The following RALYL variants were observed in gnomAD, a reference collection of about 807,000 sequenced individuals.
RALYL encodes RALY RNA binding protein like.
RALYL carries 29 observed loss-of-function variants against 35.1 expected under a neutral mutation model. That is an observed-to-expected ratio of 0.83 (90% CI 0.61 to 1.13). The LOEUF (loss-of-function observed/expected upper bound fraction) is 1.13. RALYL is among the 50% of genes most tolerant of loss of function. RALYL has a pLI of 0.00. For missense variants in RALYL, 359 were observed against 360.4 expected, an observed-to-expected ratio of 1.00 and a Z score of 0.03; for synonymous variants, 120 against 127.6, an observed-to-expected ratio of 0.94 and a Z score of 0.40.
At chr8:84,516,470 G>A (rs887506937) in intron 1 of RALYL, among the ~76,000 whole-genome samples, 2 of 151,808 alleles carry the variant, frequency 1.3e-5, no homozygotes, top group African/African-American at 4.8e-5. Flanking sequence ...ATATATTTAA[G>A]CACTACAGTT....
At chr8:84,647,022 C>T (rs1827643385) in intron 2 of RALYL, among the ~76,000 whole-genome samples, 1 of 152,000 alleles carries the variant, frequency 6.6e-6, no homozygotes, top group African/African-American at 2.4e-5. Context: ...TCCTAGTGCT[C>T]CTGGATGTGT....
At chr8:84,543,848 G>C (rs977761518) in intron 2 of RALYL, among the ~76,000 whole-genome samples, 4 of 152,000 alleles carry the variant, frequency 2.6e-5, no homozygotes, top group African/African-American at 9.7e-5. Context: ...ATACTATTTA[G>C]ATCCAATATT....
intron 2 of RALYL, among the ~76,000 whole-genome samples, chr8:84,609,013 A>C (rs2130852424): frequency 6.6e-6 from 1 of 151,848 alleles, no homozygotes; most frequent in East Asian, 1.9e-4. Flanking sequence ...AGCTAGTGCA[A>C]AGAAGAAGTT....
At chr8:84,388,939 T>A (rs1186112007) in intron 1 of RALYL, among the ~76,000 whole-genome samples, 5 of 152,168 alleles carry the variant, frequency 3.3e-5, no homozygotes, top group Admixed American at 6.6e-5. Flanking sequence ...CTGAATGGTG[T>A]TGCCTAGGTT....
intron 1 of RALYL, among the ~76,000 whole-genome samples, chr8:84,425,556 G>A (rs1476047123): frequency 6.6e-6 from 1 of 152,120 alleles, no homozygotes; most frequent in African/African-American, 2.4e-5. Context: ...GTTCCTATTC[G>A]GCCATCTTGG....
At chr8:84,613,096 C>T (rs906026420) in intron 2 of RALYL, among the ~76,000 whole-genome samples, 2 of 151,324 alleles carry the variant, frequency 1.3e-5, no homozygotes, top group Admixed American at 6.6e-5. Flanking sequence ...TAATCAAATA[C>T]TAGAAAAAAT....
chr8:84,430,307 A>C (rs1163571368), intron 1 of RALYL, among the ~76,000 whole-genome samples: 2 of 152,170 alleles, frequency 1.3e-5, no homozygotes, highest in Non-Finnish European at 2.9e-5. Flanking sequence ...ACCGTGCAGT[A>C]ATTTATTTTA....
intron 1 of RALYL, among the ~76,000 whole-genome samples, chr8:84,223,315 A>T (rs1822982410): frequency 6.7e-6 from 1 of 148,754 alleles, no homozygotes; most frequent in Non-Finnish European, 1.5e-5. Flanking sequence ...TGAATGGGTT[A>T]TATTGGGAGG....
intron 1 of RALYL, among the ~76,000 whole-genome samples, chr8:84,236,030 G>T (rs1422843518): frequency 1.3e-5 from 2 of 152,032 alleles, no homozygotes; most frequent in Non-Finnish European, 2.9e-5. Context: ...CTCCCAAAGT[G>T]CTGGGATTAC....
chr8:84,690,747 T>C (rs1248377253), intron 2 of RALYL, among the ~76,000 whole-genome samples: 2 of 152,064 alleles, frequency 1.3e-5, no homozygotes, highest in East Asian at 3.8e-4. Context: ...GCATATAACA[T>C]AGAAATCCAT....
intron 1 of RALYL, among the ~76,000 whole-genome samples, chr8:84,388,978 C>A (rs1399426430): frequency 6.6e-6 from 1 of 152,098 alleles, no homozygotes; most frequent in African/African-American, 2.4e-5. Flanking sequence ...GGTTTTAGGT[C>A]TAACATGTAA....
At chr8:84,369,662 C>A (rs976796839) in intron 1 of RALYL, among the ~76,000 whole-genome samples, 2 of 151,976 alleles carry the variant, frequency 1.3e-5, no homozygotes, top group African/African-American at 4.8e-5. Flanking sequence ...CATTTTAATG[C>A]TGCAAATGAA....
intron 1 of RALYL, among the ~76,000 whole-genome samples, chr8:84,514,434 TAG>T (rs1307682782): frequency 2.6e-5 from 4 of 152,208 alleles, no homozygotes; most frequent in African/African-American, 9.6e-5. Flanking sequence ...CTCACAGTTT[TAG>T]AGTCTGGAAA....
intron 1 of RALYL, among the ~76,000 whole-genome samples, chr8:84,205,077 T>G (rs1313063432): frequency 6.6e-6 from 1 of 152,202 alleles, no homozygotes; most frequent in African/African-American, 2.4e-5. Flanking sequence ...TCTCATCTCA[T>G]TTTATATGCT....
intron 2 of RALYL, among the ~76,000 whole-genome samples, chr8:84,617,639 AG>A (rs1820112852): frequency 6.7e-6 from 1 of 148,410 alleles, no homozygotes; most frequent in Admixed American, 6.7e-5. Context: ...GTTGAATAGG[AG>A]TGGTGAGAGA....
At chr8:84,304,596 G>A (rs1044056706) in intron 1 of RALYL, among the ~76,000 whole-genome samples, 2 of 149,104 alleles carry the variant, frequency 1.3e-5, no homozygotes, top group South Asian at 4.2e-4. Flanking sequence ...CTCTCATAAA[G>A]TTTACACTAT....
chr8:84,512,897 T>C (rs1229335638), intron 1 of RALYL, among the ~76,000 whole-genome samples: 1 of 152,194 alleles, frequency 6.6e-6, no homozygotes, highest in Non-Finnish European at 1.5e-5. Flanking sequence ...TGTGTGTTTT[T>C]ATACCAATAC....
At chr8:84,369,823 A>T (rs1855314685) in intron 1 of RALYL, among the ~76,000 whole-genome samples, 2 of 152,168 alleles carry the variant, frequency 1.3e-5, no homozygotes, top group African/African-American at 4.8e-5. Context: ...ACCATTAAAA[A>T]TTCTTACGAA....
intron 2 of RALYL, among the ~76,000 whole-genome samples, chr8:84,712,233 T>C (rs994788372): frequency 2.6e-5 from 4 of 152,298 alleles, no homozygotes; most frequent in East Asian, 1.9e-4. Flanking sequence ...GAATCACATG[T>C]GCATGGATAG....
Sources: allele counts gnomAD v4.1 joint callset (sites outside exome capture counted in the v4.1 genomes callset), GRCh38; gene constraint gnomAD v4.1.1; transcripts MANE v1.5; gene names NCBI Gene and HGNC (gene_info 2026-07-23, HGNC 2026-07-21).